The following IGSF23 variants were observed in gnomAD, a reference collection of about 807,000 sequenced individuals.
IGSF23 encodes immunoglobulin superfamily, member 23.
In IGSF23, 14 loss-of-function variants were observed where a neutral mutation model predicts 17.8. The ratio of observed to expected loss-of-function variants is 0.79; its 90% CI spans 0.52 to 1.23. The LOEUF is 1.23. Ranked by LOEUF, IGSF23 falls within the 50% of genes most tolerant of loss-of-function variation. IGSF23 has a pLI of 0.00. For synonymous variants in IGSF23, 85 were observed against 92.5 expected (o/e 0.92, Z 0.46); for missense variants, 214 against 241.7 (o/e 0.89, Z 0.76).
At chr19:44,631,863 T>C (rs1343527924) in intron 3 of IGSF23, among the ~76,000 whole-genome samples, 3 of 152,214 alleles carry the variant, frequency 2.0e-5, no homozygotes, top group Non-Finnish European at 2.9e-5. Context: ...TTCCTTGCCC[T>C]CATTCCAGTA....
chr19:44,634,065 T>C (rs1054208343), intron 3 of IGSF23, among the ~76,000 whole-genome samples: 3 of 152,222 alleles, frequency 2.0e-5, no homozygotes, highest in African/African-American at 7.2e-5. Context: ...TGTTGGGACC[T>C]TTTACGGGGG....
chr19:44,618,176 C>T (rs911767939), intron 1 of IGSF23: 1 of 471,124 alleles, frequency 2.1e-6, no homozygotes, highest in Non-Finnish European at 4.4e-6. Context: ...ATCTTCCTGT[C>T]CCCGGAAGGC....
At position 44,624,173 on chromosome 19, in the gene IGSF23, T is replaced by C. The variant is rs143527986; in HGVS notation, c.391+201T>C. On this transcript the variant is annotated intron_variant, in intron 2 of 4. Transcript: ENST00000402988. ...GGCCACTTTCTTCTTCTTTCTTCTT[T>C]CCTCTTCTTCTTCTTTTCTTTCTTC... 4.8e-3 allele frequency among the ~76,000 whole-genome samples: 726 copies of C among 152,154 alleles called. 6 individuals carry two copies. Among genetic ancestry groups the C allele is most frequent in the Non-Finnish European group, 6.1e-3 (418 of 67,996 alleles).
At chr19:44,620,131 T>C (rs1972480742) in intron 1 of IGSF23, among the ~76,000 whole-genome samples, 1 of 151,918 alleles carries the variant, frequency 6.6e-6, no homozygotes, top group East Asian at 1.9e-4. Flanking sequence ...TAGCCGGGCA[T>C]AGTGGCAGGC....
intron 3 of IGSF23, among the ~76,000 whole-genome samples, chr19:44,628,496 C>T (rs925580918): frequency 6.6e-6 from 1 of 152,050 alleles, no homozygotes; most frequent in Non-Finnish European, 1.5e-5. Context: ...ACCTGTAATC[C>T]CAGCACTTTG....
chr19:44,633,535 T>C (rs192203269), intron 3 of IGSF23, among the ~76,000 whole-genome samples: 7 of 152,354 alleles, frequency 4.6e-5, no homozygotes, highest in Admixed American at 1.3e-4. Flanking sequence ...GAAGTTATAA[T>C]TGGTTGAATA....
chr19:44,623,850 G>A lies in IGSF23; in HGVS notation c.269G>A (p.Cys90Tyr). The change falls in exon 2 of 5, where the codon TGT becomes TAT. Residue 90 changes from cysteine (C) to tyrosine (Y), a missense_variant. Cys to Tyr is a radical substitution (Grantham distance 194). Coordinates refer to ENST00000402988, the MANE Select transcript of IGSF23 (RefSeq NM_001205280.2). ...VLSWTFSGVPCGMGEKLFIRR... is the reference protein window; with the variant it reads ...VLSWTFSGVPYGMGEKLFIRR... Reference sequence around the variant, plus strand: ...AGCTGGACCTTCAGTGGGGTGCCCTGTGGGATGGGAGAGAAGCTGTTCATC... The same window carrying A: ...AGCTGGACCTTCAGTGGGGTGCCCTATGGGATGGGAGAGAAGCTGTTCATC... 1 of 1,550,924 alleles carries A rather than the reference G, an allele frequency of 6.4e-7. No individual in the cohort carries two copies. Among genetic ancestry groups the A allele is most frequent in the Non-Finnish European group, 8.7e-7 (1 of 1,147,056 alleles).
intron 3 of IGSF23, among the ~76,000 whole-genome samples, chr19:44,633,828 C>A (rs1972823212): frequency 6.6e-6 from 1 of 152,200 alleles, no homozygotes; most frequent in African/African-American, 2.4e-5. Context: ...TCCTCCTGTT[C>A]ATTTAATTTC....
intron 2 of IGSF23, among the ~76,000 whole-genome samples, chr19:44,626,690 G>A (rs1972655325): frequency 6.6e-6 from 1 of 152,168 alleles, no homozygotes; most frequent in Non-Finnish European, 1.5e-5. Flanking sequence ...TTGAGGCTAG[G>A]AGTTTGAGAC....
At chr19:44,636,093 G>A (rs1972883091) in intron 4 of IGSF23, among the ~76,000 whole-genome samples, 1 of 152,152 alleles carries the variant, frequency 6.6e-6, no homozygotes, top group Non-Finnish European at 1.5e-5. Context: ...ACATGGCAGA[G>A]GCAGGATTCC....
intron 3 of IGSF23, among the ~76,000 whole-genome samples, chr19:44,628,553 G>A (rs529659016): frequency 6.6e-6 from 1 of 152,186 alleles, no homozygotes; most frequent in East Asian, 1.9e-4. Context: ...TTTGAAACCA[G>A]CCTGAGCAAC....
intron 4 of IGSF23, 68 bp downstream of exon 4, chr19:44,635,533 TC>T: frequency 9.1e-7 from 1 of 1,094,298 alleles, no homozygotes. Context: ...GGGCAGAGAC[TC>T]CATATGTGAT....
chr19:44,628,007 C>T lies in IGSF23; in HGVS notation c.545+434C>T, dbSNP rs551319092. ...TTGCCCAGGCCGGAGTGCAGTGGTG[C>T]GATCTCGGCTCACTGCAACCTCTGC... is the stretch of plus-strand genomic sequence containing the variant. On this transcript the variant is annotated intron_variant, in intron 3 of 4. Coordinates refer to ENST00000402988, the MANE Select transcript of IGSF23 (RefSeq NM_001205280.2). Among the ~76,000 whole-genome samples, 7 of 148,006 alleles carry T rather than the reference C, an allele frequency of 4.7e-5. No individual in the cohort carries two copies. The East Asian group carries it at 1.0e-3, about 21-fold the overall frequency.
chr19:44,615,935 T>C (rs549924490), intron 1 of IGSF23, among the ~76,000 whole-genome samples: 4 of 152,218 alleles, frequency 2.6e-5, no homozygotes, highest in East Asian at 1.9e-4. Context: ...ACTTTGGAAA[T>C]TGGCTGTGCC....
At chr19:44,628,409 C>T (rs966184422) in intron 3 of IGSF23, among the ~76,000 whole-genome samples, 2 of 152,052 alleles carry the variant, frequency 1.3e-5, no homozygotes, top group East Asian at 1.9e-4. Context: ...GCATCCTGGT[C>T]GGGGACACCA....
At chr19:44,634,476 G>A (rs1017449745) in intron 3 of IGSF23, among the ~76,000 whole-genome samples, 1 of 152,160 alleles carries the variant, frequency 6.6e-6, no homozygotes, top group African/African-American at 2.4e-5. Flanking sequence ...GATCTGGGGG[G>A]TGTATTCTAA....
chr19:44,618,003 A>G (rs1330046730), intron 1 of IGSF23: 4 of 456,232 alleles, frequency 8.8e-6, no homozygotes, highest in Non-Finnish European at 1.8e-5. Flanking sequence ...AACATCCAGT[A>G]TAATATACGT....
intron 3 of IGSF23, among the ~76,000 whole-genome samples, chr19:44,633,722 T>G (rs138732268): frequency 0.026 from 3,997 of 152,272 alleles, 187 homozygotes; most frequent in African/African-American, 0.09. Context: ...AGCCTTTAAA[T>G]TTCTTTCCCT....
chr19:44,620,778 G>A (rs1169030322), intron 1 of IGSF23: 1 of 152,150 alleles, frequency 6.6e-6, no homozygotes, highest in African/African-American at 2.4e-5. Context: ...CGGTGGTGCA[G>A]GCTGTGTGGC....
Sources: gnomAD v4.1 joint callset for allele counts (sites outside exome capture counted in the v4.1 genomes callset) on GRCh38, gnomAD v4.1.1 for gene constraint, MANE v1.5 for transcripts, NCBI Gene and HGNC (gene_info 2026-07-23, HGNC 2026-07-21) for gene names.